Variants in CDH13 observed in about 807,000 individuals in gnomAD.
CDH13 encodes cadherin-13.
A neutral mutation model predicts 63.8 loss-of-function variants in CDH13; 24 were observed. That is an observed-to-expected ratio of 0.38 (90% CI 0.27 to 0.53). The LOEUF (loss-of-function observed/expected upper bound fraction) is 0.53, where lower values mean the gene tolerates loss of function less well. CDH13 is among the 20% of genes least tolerant of loss of function. The pLI is 0.85. For synonymous variants in CDH13, 503 were observed against 355.3 expected, an observed-to-expected ratio of 1.42 and a Z score of -4.67; for missense variants, 1,049 against 903.1, an observed-to-expected ratio of 1.16 and a Z score of -2.07.
intron 7 of CDH13, among the ~76,000 whole-genome samples, chr16:83,520,881 G>C (rs2074816285): frequency 6.6e-6 from 1 of 152,102 alleles, no homozygotes; most frequent in African/African-American, 2.4e-5. Flanking sequence ...CTTCATCCAA[G>C]TTTTATTTAA....
chr16:82,836,795 C>T (rs1456688174), intron 1 of CDH13, among the ~76,000 whole-genome samples: 1 of 148,770 alleles, frequency 6.7e-6, no homozygotes, highest in Non-Finnish European at 1.5e-5. Context: ...GAATTCATTT[C>T]TACCCATAGT....
At chr16:83,661,860 C>A (rs1169857155) in intron 8 of CDH13, among the ~76,000 whole-genome samples, 1 of 152,160 alleles carries the variant, frequency 6.6e-6, no homozygotes, top group Non-Finnish European at 1.5e-5. Context: ...GGGAGCAATT[C>A]CTGCCAGGGC....
chr16:83,121,262 A>T (rs1039453016), intron 3 of CDH13, among the ~76,000 whole-genome samples: 37 of 152,178 alleles, frequency 2.4e-4, no homozygotes, highest in African/African-American at 8.7e-4. Flanking sequence ...TTCTTCTGTG[A>T]TCACTATAGT....
intron 1 of CDH13, among the ~76,000 whole-genome samples, chr16:82,811,362 A>G (rs2037437587): frequency 6.6e-6 from 1 of 152,190 alleles, no homozygotes; most frequent in Non-Finnish European, 1.5e-5. Flanking sequence ...GTATTTAATA[A>G]TAGGCTTTGG....
At position 82,780,957 on chromosome 16, in the gene CDH13, C is replaced by G. The variant is rs181708998; in HGVS notation, c.46-77405C>G. The stretch of plus-strand genomic sequence containing the variant: ...GACTGGAGGGAGGAAATCACTGTGA[C>G]TTTGAATCAGGGTCACATTTGGGGT... On this transcript the variant is annotated intron_variant, in intron 1 of 13. Transcript: ENST00000567109. 2.6e-4 allele frequency among the ~76,000 whole-genome samples: 40 copies of G among 152,340 alleles called. 1 individual carries two copies. The highest frequency in any genetic ancestry group is 9.1e-4 in the African/African-American group (38 of 41,572).
At chr16:83,495,293 T>G (rs918191385) in intron 7 of CDH13, among the ~76,000 whole-genome samples, 3 of 152,144 alleles carry the variant, frequency 2.0e-5, no homozygotes, top group African/African-American at 7.2e-5. Flanking sequence ...TGGAGGAGGG[T>G]GTGTTTCCAG....
Position 82,720,271 on chromosome 16 carries a change from C to A in CDH13, c.45+93134C>A, listed in dbSNP as rs188133638. Among the ~76,000 whole-genome samples the A allele has an allele frequency of 4.6e-5, 7 of 152,272 alleles. No homozygotes were observed. In the East Asian group the frequency reaches 1.4e-3, roughly 29 times the overall value. Reference sequence around the variant, plus strand: ...CGTGCAGTTTGAAAACAAACAATTCCAACTAATGGCAGACTGACTGAGTGC... The same window carrying A: ...CGTGCAGTTTGAAAACAAACAATTCAAACTAATGGCAGACTGACTGAGTGC... On this transcript the variant is annotated intron_variant, in intron 1 of 13. Transcript: ENST00000567109.
At chr16:82,663,536 G>A (rs764178624) in intron 1 of CDH13, among the ~76,000 whole-genome samples, 19 of 152,128 alleles carry the variant, frequency 1.2e-4, no homozygotes, top group Non-Finnish European at 2.2e-4. Context: ...GACTCCCCTA[G>A]AAATTCACTG....
intron 6 of CDH13, among the ~76,000 whole-genome samples, chr16:83,373,437 G>C (rs1041826610): frequency 6.6e-6 from 1 of 152,146 alleles, no homozygotes; most frequent in Non-Finnish European, 1.5e-5. Context: ...CTTCTGGATA[G>C]CATGAGAAGC....
At chr16:82,925,078 C>A (rs2042263467) in intron 2 of CDH13, among the ~76,000 whole-genome samples, 2 of 152,112 alleles carry the variant, frequency 1.3e-5, no homozygotes, top group South Asian at 4.1e-4. Context: ...CCAAACTTTC[C>A]CTGCCATGAA....
intron 5 of CDH13, among the ~76,000 whole-genome samples, chr16:83,254,864 C>G (rs748644): frequency 6.6e-6 from 1 of 151,926 alleles, no homozygotes; most frequent in Non-Finnish European, 1.5e-5. Flanking sequence ...AAAAATGGTC[C>G]CTACTAGGGG....
chr16:83,237,534 G>T (rs1904275561), intron 5 of CDH13, among the ~76,000 whole-genome samples: 1 of 152,256 alleles, frequency 6.6e-6, no homozygotes, highest in Non-Finnish European at 1.5e-5. Flanking sequence ...TGCAGCTAGT[G>T]CAGCTGTAGA....
chr16:83,103,393 G>A (rs1019470656), intron 3 of CDH13, among the ~76,000 whole-genome samples: 27 of 150,996 alleles, frequency 1.8e-4, no homozygotes, highest in African/African-American at 5.9e-4. Flanking sequence ...CTACAGGCAC[G>A]TGCCACCACG....
chr16:83,563,030 A>G (rs2075734997), intron 7 of CDH13, among the ~76,000 whole-genome samples: 1 of 152,152 alleles, frequency 6.6e-6, no homozygotes, highest in Non-Finnish European at 1.5e-5. Context: ...TAGTAGAAGG[A>G]CCATTGGATT....
At chr16:83,140,656 T>C (rs1420728340) in intron 4 of CDH13, among the ~76,000 whole-genome samples, 3 of 152,182 alleles carry the variant, frequency 2.0e-5, no homozygotes, top group Non-Finnish European at 2.9e-5. Context: ...GGTTTTGCCA[T>C]GTTGGCCAGG....
chr16:82,757,798 C>T (rs1292337010), intron 1 of CDH13, among the ~76,000 whole-genome samples: 2 of 152,048 alleles, frequency 1.3e-5, no homozygotes, highest in East Asian at 1.9e-4. Context: ...TGTGCCACCA[C>T]GCCCAGCTAG....
At chr16:82,863,798 C>T (rs1022715794) in intron 2 of CDH13, among the ~76,000 whole-genome samples, 1 of 152,124 alleles carries the variant, frequency 6.6e-6, no homozygotes, top group East Asian at 1.9e-4. Flanking sequence ...AAAATACAAA[C>T]AGGTGAAGAA....
At chr16:82,823,542 A>G (rs1408688537) in intron 1 of CDH13, 1 of 152,220 alleles carries the variant, frequency 6.6e-6, no homozygotes, top group African/African-American at 2.4e-5. Flanking sequence ...TAACCACTTG[A>G]TAGGAACTAC....
chr16:82,665,985 T>C (rs1187807244), intron 1 of CDH13, among the ~76,000 whole-genome samples: 1 of 152,168 alleles, frequency 6.6e-6, no homozygotes, highest in East Asian at 1.9e-4. Flanking sequence ...TTTGTACCAT[T>C]GTAAAGTTGA....
Sources: allele counts gnomAD v4.1 joint callset (sites outside exome capture counted in the v4.1 genomes callset), GRCh38; gene constraint gnomAD v4.1.1; transcripts MANE v1.5; gene names NCBI Gene and HGNC (gene_info 2026-07-23, HGNC 2026-07-21).